NCKAP5: variants seen among roughly 807,000 people sequenced by gnomAD.
NCKAP5 encodes nck-associated protein 5.
NCKAP5 carries 92 observed loss-of-function variants against 167.0 expected under a neutral mutation model. The ratio of observed to expected loss-of-function variants is 0.55; its 90% CI spans 0.47 to 0.66. The LOEUF is 0.66. Ranked by LOEUF, NCKAP5 falls within the 30% of genes least tolerant of loss-of-function variation. The pLI, the probability that NCKAP5 is intolerant of heterozygous loss-of-function variation, is 0.00. For missense variants in NCKAP5, 2,378 were observed against 2,315.0 expected (o/e 1.03, Z -0.56); for synonymous variants, 891 against 877.4 (o/e 1.02, Z -0.27).
At chr2:132,771,327 T>A (rs574214131) in intron 16 of NCKAP5, among the ~76,000 whole-genome samples, 1 of 152,332 alleles carries the variant, frequency 6.6e-6, no homozygotes, top group Admixed American at 6.5e-5. Context: ...AAAAAATTTT[T>A]AATAGAAAAA....
rs139286957 is a variant in NCKAP5, at chr2:133,063,259, C to T, written c.341+66719G>A. Among the ~76,000 whole-genome samples the T allele has an allele frequency of 1.5e-3, 231 of 152,314 alleles. 1 individual carries two copies. The highest frequency in any genetic ancestry group is 8.9e-3 in the South Asian group (43 of 4,826). On this transcript the variant is annotated intron_variant, in intron 6 of 19. Coordinates refer to ENST00000409261, the MANE Select transcript of NCKAP5 (RefSeq NM_207363.3). ...TTAGGAATGAAATGGAGACATGATTCCAAACACCACACTTTGGATTTATAA... is the reference window on the plus strand; with the variant it reads ...TTAGGAATGAAATGGAGACATGATTTCAAACACCACACTTTGGATTTATAA...
chr2:133,129,860 T>G, intron 6 of NCKAP5, 118 bp downstream of exon 6: 1 of 1,198,146 alleles, frequency 8.3e-7, no homozygotes, highest in South Asian at 1.9e-5. Context: ...TCTAAATGGT[T>G]GGTAAATTAG....
intron 4 of NCKAP5, among the ~76,000 whole-genome samples, chr2:133,271,221 T>C (rs7596708): frequency 0.01 from 1,589 of 151,954 alleles, 33 homozygotes; most frequent in African/African-American, 0.037. Flanking sequence ...TGTGAGCCAC[T>C]GCACCCGGCC....
At position 132,754,960 on chromosome 2, in the gene NCKAP5, C is replaced by T. The variant is rs909950318; in HGVS notation, c.5128+18856G>A. On this transcript the variant is annotated intron_variant, in intron 16 of 19. Transcript: ENST00000409261. Reference sequence around the variant, plus strand: ...ATCAAATGGAAAGCCCATGTATTCTCCATTTTTATAGCCCTAGGGTTCAGC... The same window carrying T: ...ATCAAATGGAAAGCCCATGTATTCTTCATTTTTATAGCCCTAGGGTTCAGC... 5.9e-5 allele frequency among the ~76,000 whole-genome samples: 9 copies of T among 152,194 alleles called. 1 individual carries two copies. The highest frequency in any genetic ancestry group is 5.9e-4 in the Admixed American group (9 of 15,272).
chr2:133,511,070 G>A (rs1210771446), intron 3 of NCKAP5, among the ~76,000 whole-genome samples: 1 of 152,186 alleles, frequency 6.6e-6, no homozygotes, highest in South Asian at 2.1e-4. Context: ...AAGTGAACAT[G>A]CTGAGCTGTC....
intron 4 of NCKAP5, among the ~76,000 whole-genome samples, chr2:133,245,551 T>A (rs562055952): frequency 6.6e-6 from 1 of 152,136 alleles, no homozygotes; most frequent in African/African-American, 2.4e-5. Flanking sequence ...GCTAATTACA[T>A]AGGTGTTTTC....
chr2:133,244,980 A>G (rs2150313666), intron 4 of NCKAP5, among the ~76,000 whole-genome samples: 1 of 152,248 alleles, frequency 6.6e-6, no homozygotes, highest in East Asian at 1.9e-4. Flanking sequence ...CTATAAAGGG[A>G]AAATGTATTT....
chr2:133,122,387 AGAG>A (rs1456422256), intron 6 of NCKAP5: 1 of 152,216 alleles, frequency 6.6e-6, no homozygotes, highest in South Asian at 2.1e-4. Flanking sequence ...AAACATATTT[AGAG>A]GAGAGACTAA....
chr2:133,110,605 T>C (rs371785150), intron 6 of NCKAP5, among the ~76,000 whole-genome samples: 2 of 152,200 alleles, frequency 1.3e-5, no homozygotes, highest in African/African-American at 4.8e-5. Context: ...TTCACTCACA[T>C]GCATCCTGGT....
rs568747921 is a variant in NCKAP5 at position 132,701,939 on chromosome 2, T to A, written c.5713+23688A>T. ...ATTTTCATTATGAAAGTTATAGGAA[T>A]GAAGAATCCATAATGACAAAAGACA... On this transcript the variant is annotated intron_variant, in intron 19 of 19. Transcript: ENST00000409261. Among the ~76,000 whole-genome samples, 440 of 152,294 alleles carry A rather than the reference T, an allele frequency of 2.9e-3. 1 individual carries two copies. Among genetic ancestry groups the A allele is most frequent in the Non-Finnish European group, 5.1e-3 (349 of 68,020 alleles).
intron 8 of NCKAP5, among the ~76,000 whole-genome samples, chr2:132,880,381 G>C (rs1002805583): frequency 6.6e-6 from 1 of 152,168 alleles, no homozygotes; most frequent in South Asian, 2.1e-4. Context: ...TGTAATCCCA[G>C]CACTTTGGGA....
Position 132,782,801 on chromosome 2 carries a change from C to A in NCKAP5, c.4010G>T (p.Ser1337Ile). ...PSAPMLESLP[S>I]VGRPSGHPSS... ...GGGGTGCCCCGAGGGCCTCCCAACA[C>A]TGGGGAGACTCTCCAACATGGGAGC... Residue 1337 changes from serine to isoleucine, a missense_variant, in exon 14 of 20, where the codon AGT (serine) becomes ATT (isoleucine). Around this residue, in one of 3 missense-constraint regions of NCKAP5, gnomAD observed 1,325 missense variants for 1,274.5 expected, o/e 1.04. Transcript: ENST00000409261. 1 of 1,613,908 alleles carries A rather than the reference C, an allele frequency of 6.2e-7. No individual in the cohort carries two copies. Among genetic ancestry groups the A allele is most frequent in the Non-Finnish European group, 8.5e-7 (1 of 1,179,832 alleles).
rs768652676 is a variant in NCKAP5, at chr2:132,784,691, GC to G, written c.2119del (p.Ala707GlnfsTer42). 8 of 1,614,004 alleles carry G rather than the reference GC, an allele frequency of 5.0e-6. No homozygotes were observed. Among genetic ancestry groups the G allele is most frequent in the Non-Finnish European group, 6.8e-6 (8 of 1,179,886 alleles). ...SINSTPAGPK[A>X]EHTELLPQGI... ...CTGAGGTAAAAGCTCAGTATGTTCTGCCTTGGGTCCAGCAGGAGTTGAATTG... is the reference window on the plus strand; with the variant it reads ...CTGAGGTAAAAGCTCAGTATGTTCTGCTTGGGTCCAGCAGGAGTTGAATTG... On this transcript the variant is annotated frameshift_variant, in exon 14 of 20. Transcript: ENST00000409261. LOFTEE classifies it high-confidence loss of function.
At chr2:133,624,525 T>C in the NCKAP5 span, among the ~76,000 whole-genome samples, 1 of 152,098 alleles carries the variant, frequency 6.6e-6, no homozygotes, top group Admixed American at 6.6e-5. Context: ...CCCTTGGTGT[T>C]CTTCGTTCAG....
At chr2:133,398,020 A>G (rs1687860755) in intron 3 of NCKAP5, among the ~76,000 whole-genome samples, 1 of 152,114 alleles carries the variant, frequency 6.6e-6, no homozygotes, top group Non-Finnish European at 1.5e-5. Context: ...ACTGTAGTCA[A>G]GCAGGCTCTG....
chr2:133,140,735 AATG>A, intron 5 of NCKAP5, among the ~76,000 whole-genome samples: 1 of 149,394 alleles, frequency 6.7e-6, no homozygotes. Flanking sequence ...ATCATTATAT[AATG>A]ATATGTATAA....
the NCKAP5 span, among the ~76,000 whole-genome samples, chr2:133,646,638 G>C: frequency 1.3e-5 from 2 of 152,128 alleles, no homozygotes; most frequent in African/African-American, 4.8e-5. Context: ...GCAGCAACAT[G>C]ATAGCATAAG....
At chr2:132,764,695 T>C (rs552096180) in intron 16 of NCKAP5, among the ~76,000 whole-genome samples, 1 of 152,330 alleles carries the variant, frequency 6.6e-6, no homozygotes, top group Admixed American at 6.5e-5. Flanking sequence ...TCAAAGTTAT[T>C]GAGAACATTT....
At chr2:133,616,904 G>T in the NCKAP5 span, among the ~76,000 whole-genome samples, 19 of 152,240 alleles carry the variant, frequency 1.2e-4, no homozygotes, top group African/African-American at 4.3e-4. Context: ...AAATCCTCAA[G>T]AAAATACTGG....
Sources: allele counts gnomAD v4.1 joint callset (sites outside exome capture counted in the v4.1 genomes callset), GRCh38; gene constraint gnomAD v4.1.1; regional missense constraint gnomAD v4.1.1; transcripts MANE v1.5; gene names NCBI Gene and HGNC (gene_info 2026-07-23, HGNC 2026-07-21).